The following PHACTR3 variants were observed in gnomAD, a reference collection of about 807,000 sequenced individuals.
PHACTR3 encodes phosphatase and actin regulator 3, also known as protein phosphatase 1, regulatory subunit 123.
PHACTR3 carries 16 observed loss-of-function variants against 66.8 expected under a neutral mutation model. The observed-to-expected ratio is 0.24, with a 90% CI of 0.16 to 0.36. The LOEUF (loss-of-function observed/expected upper bound fraction) is 0.36, where lower values mean the gene tolerates loss of function less well. PHACTR3 is among the 10% of genes least tolerant of loss of function. PHACTR3 has a pLI of 1.00. For synonymous variants in PHACTR3, 323 were observed against 292.1 expected (o/e 1.11, Z -1.08); for missense variants, 647 against 719.9 (o/e 0.90, Z 1.16).
At chr20:59,808,705 T>C (rs73307138) in intron 8 of PHACTR3, among the ~76,000 whole-genome samples, 3,880 of 152,292 alleles carry the variant, frequency 0.025, 157 homozygotes, top group African/African-American at 0.087. Flanking sequence ...CAGGTTCTGA[T>C]GCTGCAGGTG....
chr20:59,686,258 A>G (rs1156685946), intron 1 of PHACTR3, among the ~76,000 whole-genome samples: 1 of 152,200 alleles, frequency 6.6e-6, no homozygotes. Context: ...CTAACTGCCC[A>G]CGTGTGGTCT....
chr20:59,810,585 C>A (rs979275751), intron 8 of PHACTR3, among the ~76,000 whole-genome samples: 1 of 152,244 alleles, frequency 6.6e-6, no homozygotes, highest in Non-Finnish European at 1.5e-5. Flanking sequence ...GGCAACGTGC[C>A]ATCTACTGTA....
At chr20:59,717,830 A>G (rs767716219) in intron 1 of PHACTR3, among the ~76,000 whole-genome samples, 4 of 152,252 alleles carry the variant, frequency 2.6e-5, no homozygotes, top group Non-Finnish European at 5.9e-5. Context: ...CAAAAATTCA[A>G]GGCACTTAAA....
intron 2 of PHACTR3, among the ~76,000 whole-genome samples, chr20:59,745,164 G>T (rs1250979545): frequency 6.6e-6 from 1 of 152,358 alleles, no homozygotes; most frequent in African/African-American, 2.4e-5. Context: ...ATTGAGAAAG[G>T]CAGGGAAGAG....
chr20:59,655,767 A>G (rs963787742), intron 1 of PHACTR3, among the ~76,000 whole-genome samples: 2 of 151,774 alleles, frequency 1.3e-5, no homozygotes, highest in African/African-American at 4.8e-5. Context: ...TTTCTTTTAA[A>G]TATAGGAATT....
At chr20:59,670,607 G>GGC (rs1555810014) in intron 1 of PHACTR3, among the ~76,000 whole-genome samples, 1 of 118,016 alleles carries the variant, frequency 8.5e-6, no homozygotes, top group Non-Finnish European at 1.7e-5. Context: ...GCCGGGGGTG[G>GGC]GGGGGGGGGG....
intron 7 of PHACTR3, among the ~76,000 whole-genome samples, chr20:59,778,427 C>T (rs1186315509): frequency 6.6e-6 from 1 of 152,206 alleles, no homozygotes; most frequent in East Asian, 1.9e-4. Context: ...GCCCCTGAGA[C>T]TCTTGCTGTC....
At chr20:59,580,856 T>G (rs1423512163) in intron 1 of PHACTR3, among the ~76,000 whole-genome samples, 2 of 152,156 alleles carry the variant, frequency 1.3e-5, no homozygotes, top group Non-Finnish European at 2.9e-5. Context: ...GTGACTGAAA[T>G]GGACTAGACA....
rs143361972 is a variant in PHACTR3, at chr20:59,586,326, C to T, written c.109+8709C>T. On this transcript the variant is annotated intron_variant, in intron 1 of 12. Transcript: ENST00000359926. Reference sequence around the variant, plus strand: ...CTGTGTCTCTCCACTTACGAGTGTCCGAAACAGCTGTATGAACTGCACATT... The same window carrying T: ...CTGTGTCTCTCCACTTACGAGTGTCTGAAACAGCTGTATGAACTGCACATT... Among the ~76,000 whole-genome samples, 42 of 152,284 alleles carry T rather than the reference C, an allele frequency of 2.8e-4. No individual in the cohort carries two copies. The East Asian group carries it at 7.1e-3, about 26-fold the overall frequency.
chr20:59,748,808 C>A (rs933772927), intron 3 of PHACTR3, among the ~76,000 whole-genome samples: 3 of 152,144 alleles, frequency 2.0e-5, no homozygotes, highest in African/African-American at 7.2e-5. Flanking sequence ...ATTCCTCTCT[C>A]CCCACTTCAG....
intron 1 of PHACTR3, among the ~76,000 whole-genome samples, chr20:59,707,457 CTT>C (rs34134572): frequency 6.7e-4 from 67 of 100,404 alleles, no homozygotes; most frequent in African/African-American, 2.4e-3. Context: ...TGCTCCCACT[CTT>C]TTTTTTTTTT....
intron 7 of PHACTR3, among the ~76,000 whole-genome samples, chr20:59,788,653 TC>T (rs2040998858): frequency 1.3e-5 from 2 of 152,180 alleles, no homozygotes; most frequent in South Asian, 2.1e-4. Context: ...CATCCCTGGC[TC>T]CAGCTCTTTC....
chr20:59,725,038 G>A (rs1310406064), intron 1 of PHACTR3, among the ~76,000 whole-genome samples: 1 of 151,966 alleles, frequency 6.6e-6, no homozygotes, highest in Non-Finnish European at 1.5e-5. Flanking sequence ...GTGAGCCCAG[G>A]TGTGCTGTGT....
intron 1 of PHACTR3, among the ~76,000 whole-genome samples, chr20:59,701,520 A>G (rs930151092): frequency 2.0e-5 from 3 of 152,242 alleles, no homozygotes; most frequent in Non-Finnish European, 2.9e-5. Flanking sequence ...AAAGACCTGG[A>G]TAGAAATAAA....
chr20:59,758,483 T>A (rs1264002540), intron 4 of PHACTR3, among the ~76,000 whole-genome samples: 1 of 152,182 alleles, frequency 6.6e-6, no homozygotes, highest in African/African-American at 2.4e-5. Flanking sequence ...CAAGTCTGAT[T>A]TAAGAAAGAC....
chr20:59,632,381 G>T (rs1458181901), intron 1 of PHACTR3, among the ~76,000 whole-genome samples: 1 of 152,152 alleles, frequency 6.6e-6, no homozygotes, highest in African/African-American at 2.4e-5. Flanking sequence ...TCATGACTCA[G>T]GCTTCACGAA....
intron 8 of PHACTR3, among the ~76,000 whole-genome samples, chr20:59,825,623 A>C (rs975779814): frequency 3.3e-5 from 5 of 152,216 alleles, no homozygotes; most frequent in Non-Finnish European, 7.3e-5. Context: ...ACTGGGGAGC[A>C]ACCTGTGCAG....
rs530814607 is a variant in PHACTR3 at position 59,625,275 on chromosome 20, C to A, written c.118+20143C>A. Among the ~76,000 whole-genome samples the A allele has an allele frequency of 5.9e-5, 9 of 152,040 alleles. No homozygotes were observed. The South Asian group carries it at 1.9e-3, about 32-fold the overall frequency. ...AGTTGACCCTGAGGCAGGCCCCATT[C>A]CTGTTAGAGAAGGTGCGTGGAACTG... On this transcript the variant is annotated intron_variant, in intron 1 of 12. Transcript: ENST00000371015.
At chr20:59,635,103 CTT>C (rs1491448887) in intron 1 of PHACTR3, among the ~76,000 whole-genome samples, 14 of 51,548 alleles carry the variant, frequency 2.7e-4, no homozygotes, top group Non-Finnish European at 4.6e-4. Context: ...CTTTCTCTCT[CTT>C]TCTTTCTTTC....
Sources: allele counts gnomAD v4.1 joint callset (sites outside exome capture counted in the v4.1 genomes callset), GRCh38; gene constraint gnomAD v4.1.1; transcripts MANE v1.5; gene names NCBI Gene and HGNC (gene_info 2026-07-23, HGNC 2026-07-21).